The following KANK1 variants were observed in gnomAD, a reference collection of about 807,000 sequenced individuals.
The protein encoded by KANK1 is KN motif and ankyrin repeat domains 1.
Under a neutral mutation model 106.2 loss-of-function variants are expected in KANK1, and 109 were observed. The ratio of observed to expected loss-of-function variants is 1.03; its 90% CI spans 0.88 to 1.20. The LOEUF (loss-of-function observed/expected upper bound fraction) is 1.20. Among genes scored for constraint, KANK1 ranks in the 50% most tolerant of loss-of-function variants. The pLI is 0.00. For synonymous variants in KANK1, 873 were observed against 652.2 expected, an observed-to-expected ratio of 1.34 and a Z score of -5.16; for missense variants, 2,399 against 1,710.7, an observed-to-expected ratio of 1.40 and a Z score of -7.10.
At chr9:586,737 A>G (rs963098558) in intron 1 of KANK1, among the ~76,000 whole-genome samples, 26 of 152,182 alleles carry the variant, frequency 1.7e-4, no homozygotes, top group African/African-American at 6.0e-4. Flanking sequence ...GTGGAAAGCT[A>G]TGAGGGATCC....
intron 1 of KANK1, among the ~76,000 whole-genome samples, chr9:643,543 A>ATTTTTTTTTTTTTTTTTTTTTTT (rs774468238): frequency 9.8e-6 from 1 of 102,464 alleles, no homozygotes; most frequent in African/African-American, 4.0e-5. Flanking sequence ...TTTCTTTTTG[A>ATTTTTTTTTTTTTTTTTTTTTTT]TTTTTTTTTT....
intron 3 of KANK1, among the ~76,000 whole-genome samples, chr9:718,298 CTTTTTTTTTTT>C (rs60145502): frequency 1.3e-5 from 1 of 74,088 alleles, no homozygotes; most frequent in Admixed American, 1.7e-4. Context: ...CTTGCTGTGT[CTTTTTTTTTTT>C]TTTTTTTTTT....
At chr9:660,445 C>G (rs1843040756) in intron 1 of KANK1, 1 of 154,638 alleles carries the variant, frequency 6.5e-6, no homozygotes, top group South Asian at 1.8e-4. Flanking sequence ...CATTTGTGGT[C>G]TGCTTTTAAC....
At chr9:695,235 T>C (rs79872083) in intron 2 of KANK1, among the ~76,000 whole-genome samples, 1,879 of 152,276 alleles carry the variant, frequency 0.012, 44 homozygotes, top group African/African-American at 0.043. Flanking sequence ...GCACAGTGTG[T>C]TAGAGAGCAC....
At chr9:683,073 A>T (rs1817888938) in intron 2 of KANK1, among the ~76,000 whole-genome samples, 1 of 152,168 alleles carries the variant, frequency 6.6e-6, no homozygotes, top group Non-Finnish European at 1.5e-5. Context: ...TTCTGAGATC[A>T]TCTGTAAGGA....
intron 1 of KANK1, among the ~76,000 whole-genome samples, chr9:579,802 C>T (rs1214979533): frequency 6.6e-6 from 1 of 152,154 alleles, no homozygotes. Flanking sequence ...TCATTAACCC[C>T]ACACTTAGAA....
chr9:512,149 G>T (rs2059057022), intron 1 of KANK1, among the ~76,000 whole-genome samples: 1 of 152,116 alleles, frequency 6.6e-6, no homozygotes, highest in Non-Finnish European at 1.5e-5. Flanking sequence ...CTTCAGCATG[G>T]TGGCTCCAGG....
intron 1 of KANK1, among the ~76,000 whole-genome samples, chr9:534,899 A>G (rs2060226310): frequency 6.6e-6 from 1 of 152,242 alleles, no homozygotes; most frequent in Admixed American, 6.5e-5. Flanking sequence ...TGAGTTGTGT[A>G]TTGTAATTCC....
At chr9:594,494 C>T (rs926451971) in intron 1 of KANK1, among the ~76,000 whole-genome samples, 3 of 151,936 alleles carry the variant, frequency 2.0e-5, no homozygotes, top group East Asian at 3.9e-4. Context: ...TCTCTAAATC[C>T]TCCACCTTAA....
chr9:562,422 C>T (rs965139076), intron 1 of KANK1, among the ~76,000 whole-genome samples: 1 of 152,302 alleles, frequency 6.6e-6, no homozygotes, highest in South Asian at 2.1e-4. Flanking sequence ...TGGGAACGGA[C>T]AAAAAGCTGC....
chr9:690,731 A>T (rs918712102), intron 2 of KANK1, among the ~76,000 whole-genome samples: 1 of 152,206 alleles, frequency 6.6e-6, no homozygotes, highest in Non-Finnish European at 1.5e-5. Context: ...CTCTGGGGGA[A>T]AAGTGTTGCT....
intron 1 of KANK1, among the ~76,000 whole-genome samples, chr9:515,227 C>T (rs1009274127): frequency 7.3e-5 from 11 of 151,380 alleles, no homozygotes; most frequent in African/African-American, 2.2e-4. Context: ...AGCCTGTAGT[C>T]CCAGCTACTC....
In KANK1 at chr9:712,579, A is replaced by G. The variant is rs1279827152; in HGVS notation, c.1813A>G (p.Asn605Asp). Residue 605 changes from asparagine (N) to aspartate (D), a missense_variant, in exon 3 of 12, where the codon AAC (asparagine) becomes GAC (aspartate). Asn to Asp is a conservative substitution (Grantham distance 23). Coordinates refer to ENST00000382297, the MANE Select transcript of KANK1 (RefSeq NM_015158.5). ...VEVSVCETGS[N>D]TEESVNDLTL... Reference sequence around the variant, plus strand: ...AGTCAGCGTCTGCGAAACAGGCAGCAACACAGAGGAGTCTGTGAACGACCT... The same window carrying G: ...AGTCAGCGTCTGCGAAACAGGCAGCGACACAGAGGAGTCTGTGAACGACCT... 4.3e-6 allele frequency: 7 copies of G among 1,614,088 alleles called. No homozygotes were observed. Among genetic ancestry groups the G allele is most frequent in the Non-Finnish European group, 5.9e-6 (7 of 1,180,038 alleles).
intron 1 of KANK1, among the ~76,000 whole-genome samples, chr9:553,413 C>A (rs1248591299): frequency 6.6e-6 from 1 of 152,080 alleles, no homozygotes. Context: ...TTTTATTAAA[C>A]ATTTGGGGAA....
At chr9:497,920 C>G (rs531993523) in intron 3 of KANK1, among the ~76,000 whole-genome samples, 2 of 152,214 alleles carry the variant, frequency 1.3e-5, no homozygotes, top group African/African-American at 4.8e-5. Flanking sequence ...AGGGACCACC[C>G]CAGTTCCATC....
rs80139103 is a variant in KANK1 at position 481,571 on chromosome 9, A to G, written c.-362+8298A>G. Among the ~76,000 whole-genome samples, 1,060 of 152,326 alleles carry G rather than the reference A, an allele frequency of 7.0e-3. 13 individuals are homozygous for G. The highest frequency in any genetic ancestry group is 0.024 in the African/African-American group (1,009 of 41,562). ...AAACTCAAAACTACTTTAAAATAAG[A>G]TATGTCCATACAAAGGCAGCCAACA... On this transcript the variant is annotated intron_variant, in intron 3 of 15. Coordinates refer to the KANK1 transcript ENST00000382303.
chr9:559,354 C>T (rs908861036), intron 1 of KANK1, among the ~76,000 whole-genome samples: 1 of 151,276 alleles, frequency 6.6e-6, no homozygotes, highest in African/African-American at 2.4e-5. Context: ...TTCATTTTTT[C>T]CAAGCTTAGA....
intron 1 of KANK1, among the ~76,000 whole-genome samples, chr9:628,759 T>G (rs1485881917): frequency 6.6e-6 from 1 of 152,088 alleles, no homozygotes; most frequent in African/African-American, 2.4e-5. Flanking sequence ...TTCCCTGGAT[T>G]CAAGTGGTCC....
Position 745,954 on chromosome 9 carries a change from T to C in KANK1, c.*719T>C, listed in dbSNP as rs113428617. The C allele has an allele frequency of 9.2e-5, 14 of 152,814 alleles. No individual in the cohort carries two copies. Among genetic ancestry groups the C allele is most frequent in the Non-Finnish European group, 1.6e-4 (11 of 68,042 alleles). 9.5% of individuals were successfully genotyped at this position (152,814 alleles called of 1,614,324 possible). A position where few individuals can be genotyped will look rare whatever the true frequency, so the allele number is the denominator to read the frequency against. On this transcript the variant is annotated 3_prime_UTR_variant, in exon 12 of 12. Coordinates refer to ENST00000382297, the MANE Select transcript of KANK1 (RefSeq NM_015158.5). ...TGGATTGTGTTAGAGGAATCGGCTC[T>C]GTATTTGCCTCTAGAGAAACACAGT...
Sources: gnomAD v4.1 joint callset for allele counts (sites outside exome capture counted in the v4.1 genomes callset) on GRCh38, gnomAD v4.1.1 for gene constraint, MANE v1.5 for transcripts, NCBI Gene and HGNC (gene_info 2026-07-23, HGNC 2026-07-21) for gene names.